SPATA1: variants seen among roughly 807,000 people sequenced by gnomAD.
SPATA1 encodes spermatogenesis-associated protein 1.
SPATA1 carries 57 observed loss-of-function variants against 59.6 expected under a neutral mutation model. The observed-to-expected ratio is 0.96, with a 90% CI of 0.77 to 1.19. SPATA1 has a LOEUF of 1.19. Ranked by LOEUF, SPATA1 falls within the 50% of genes most tolerant of loss-of-function variation. SPATA1 has a pLI of 0.00. For synonymous variants in SPATA1, 147 were observed against 163.9 expected (o/e 0.90, Z 0.79); for missense variants, 448 against 480.7 (o/e 0.93, Z 0.64).
At chr1:84,548,564 A>ATG (rs1684166357) in intron 10 of SPATA1, among the ~76,000 whole-genome samples, 1 of 147,756 alleles carries the variant, frequency 6.8e-6, no homozygotes, top group African/African-American at 2.5e-5. Context: ...ATATATATAT[A>ATG]TTACTATATT....
intron 2 of SPATA1, among the ~76,000 whole-genome samples, chr1:84,518,309 T>C (rs1243506287): frequency 6.6e-6 from 1 of 152,124 alleles, no homozygotes; most frequent in African/African-American, 2.4e-5. Context: ...AAATATGGAC[T>C]GGATATTAAT....
downstream of SPATA1, chr1:84,554,971 T>C (rs775834132): frequency 1.3e-6 from 2 of 1,584,196 alleles, no homozygotes; most frequent in South Asian, 2.2e-5. Flanking sequence ...ATCATCTTTC[T>C]AACTCTTAAT....
intron 12 of SPATA1, chr1:84,552,864 C>A: frequency 1.9e-6 from 1 of 539,014 alleles, no homozygotes; most frequent in Non-Finnish European, 3.3e-6. Flanking sequence ...TATTAAACAG[C>A]ATTCATAATC....
intron 1 of SPATA1, among the ~76,000 whole-genome samples, chr1:84,515,061 G>A (rs776074367): frequency 2.0e-5 from 3 of 152,128 alleles, no homozygotes; most frequent in Non-Finnish European, 4.4e-5. Flanking sequence ...TTGCATACCA[G>A]TGAATCAATG....
At chr1:84,512,090 A>G (rs10493754) in intron 1 of SPATA1, among the ~76,000 whole-genome samples, 30,814 of 152,122 alleles carry the variant, frequency 0.2, 4,491 homozygotes, top group African/African-American at 0.41. Context: ...CTCCCAGGAC[A>G]TATACATAAT....
At chr1:84,524,866 A>G (rs1683155613) in intron 4 of SPATA1, among the ~76,000 whole-genome samples, 1 of 152,210 alleles carries the variant, frequency 6.6e-6, no homozygotes, top group East Asian at 1.9e-4. Context: ...TGGTTTCCCA[A>G]GTAGAATATA....
At chr1:84,555,290 G>A (rs1168984903), downstream of SPATA1, 2 of 980,482 alleles carry the variant, frequency 2.0e-6, no homozygotes, top group Non-Finnish European at 2.9e-6. Context: ...ATACAGTACA[G>A]TAAGAGGGAA....
At chr1:84,544,905 T>A (rs559105595) in intron 9 of SPATA1, among the ~76,000 whole-genome samples, 5 of 151,868 alleles carry the variant, frequency 3.3e-5, no homozygotes, top group African/African-American at 1.2e-4. Context: ...TCACCAACAT[T>A]ATTTCATTTT....
intron 1 of SPATA1, among the ~76,000 whole-genome samples, chr1:84,509,835 T>C (rs1437221515): frequency 1.3e-5 from 2 of 152,094 alleles, no homozygotes; most frequent in African/African-American, 4.8e-5. Context: ...TTTTGAATAA[T>C]GCCCTACAAG....
At chr1:84,512,265 G>C (rs547866069) in intron 1 of SPATA1, among the ~76,000 whole-genome samples, 5 of 152,252 alleles carry the variant, frequency 3.3e-5, no homozygotes, top group African/African-American at 1.2e-4. Flanking sequence ...GAGCAATCAA[G>C]TAATCAAAAC....
chr1:84,543,495 A>C (rs1683979901), intron 8 of SPATA1, among the ~76,000 whole-genome samples: 2 of 152,120 alleles, frequency 1.3e-5, no homozygotes. Context: ...GCAAAGGGGG[A>C]GCAAGGCTGG....
intron 4 of SPATA1, 34 bp downstream of exon 4, chr1:84,522,541 A>AGGTATGGTCTTTCTCAATC: frequency 8.6e-7 from 1 of 1,160,032 alleles, no homozygotes; most frequent in Non-Finnish European, 1.2e-6. Flanking sequence ...CTGATTGAGA[A>AGGTATGGTCTTTCTCAATC]AGACCATACC....
intron 2 of SPATA1, among the ~76,000 whole-genome samples, chr1:84,517,180 T>G (rs1682830899): frequency 6.6e-6 from 1 of 152,186 alleles, no homozygotes; most frequent in Non-Finnish European, 1.5e-5. Context: ...TGACATAGGC[T>G]TCGCTAGGCT....
At chr1:84,517,273 T>G (rs1303815644) in intron 2 of SPATA1, among the ~76,000 whole-genome samples, 1 of 152,138 alleles carries the variant, frequency 6.6e-6, no homozygotes, top group Non-Finnish European at 1.5e-5. Flanking sequence ...TTCATCTTCC[T>G]CCTGACCTCT....
intron 2 of SPATA1, among the ~76,000 whole-genome samples, chr1:84,519,329 G>A (rs950694339): frequency 1.1e-4 from 16 of 152,004 alleles, no homozygotes; most frequent in African/African-American, 3.1e-4. Context: ...ATAAATTAGC[G>A]TTTGAGTGTA....
intron 1 of SPATA1, among the ~76,000 whole-genome samples, chr1:84,509,789 C>T (rs1301566241): frequency 1.3e-5 from 2 of 152,058 alleles, no homozygotes; most frequent in Non-Finnish European, 2.9e-5. Flanking sequence ...GAAAACAGTG[C>T]AGAAACTTTC....
chr1:84,552,304 A>T (rs1014524824), intron 12 of SPATA1: 12 of 152,210 alleles, frequency 7.9e-5, no homozygotes, highest in African/African-American at 2.9e-4. Context: ...AAAATGCAGG[A>T]TCTGACTCAG....
At chr1:84,509,739 C>T (rs1477433971) in intron 1 of SPATA1, among the ~76,000 whole-genome samples, 2 of 151,914 alleles carry the variant, frequency 1.3e-5, no homozygotes, top group African/African-American at 2.4e-5. Flanking sequence ...GCACTCCAGC[C>T]GGGGTGACAG....
chr1:84,516,292 AAATG>A lies in SPATA1; in HGVS notation c.-65_-62del. The A allele has an allele frequency of 1.2e-5, 17 of 1,390,816 alleles. No homozygotes were observed. The highest frequency in any genetic ancestry group is 1.5e-5 in the Non-Finnish European group (16 of 1,043,212). The allele number at this position is 1,390,816 out of a possible 1,614,324, so 86.2% of individuals were successfully genotyped here. A position where few individuals can be genotyped will look rare whatever the true frequency, so the allele number is the denominator to read the frequency against. On this transcript the variant is annotated 5_prime_UTR_variant, in exon 2 of 13. The change abolishes an upstream ATG in the 5' untranslated region. Coordinates refer to ENST00000490879, the Ensembl canonical transcript of SPATA1. ...TTATAATTTTTATTTAGTACTACTTAAATGAAGAAAGATAAAAAAAGAAACAAAA... is the reference window on the plus strand; with the variant it reads ...TTATAATTTTTATTTAGTACTACTTAAAGAAAGATAAAAAAAGAAACAAAA...
Sources: gnomAD v4.1 joint callset for allele counts (sites outside exome capture counted in the v4.1 genomes callset) on GRCh38, gnomAD v4.1.1 for gene constraint, MANE v1.5 for transcripts, NCBI Gene and HGNC (gene_info 2026-07-23, HGNC 2026-07-21) for gene names.